Variants in BNC2 observed in about 807,000 individuals in gnomAD.
BNC2 encodes the protein basonuclin zinc finger protein 2.
BNC2 carries 20 observed loss-of-function variants against 76.3 expected under a neutral mutation model. The ratio of observed to expected loss-of-function variants is 0.26; its 90% CI spans 0.18 to 0.38. The LOEUF (loss-of-function observed/expected upper bound fraction) is 0.38, where lower values mean the gene tolerates loss of function less well. Ranked by LOEUF, BNC2 falls within the 10% of genes least tolerant of loss-of-function variation. BNC2 has a pLI of 1.00. For missense variants in BNC2, 1,382 were observed against 1,399.8 expected (o/e 0.99, Z 0.20); for synonymous variants, 582 against 514.8 (o/e 1.13, Z -1.77).
chr9:16,493,198 C>A (rs919493130), intron 5 of BNC2, among the ~76,000 whole-genome samples: 1 of 152,178 alleles, frequency 6.6e-6, no homozygotes, highest in African/African-American at 2.4e-5. Flanking sequence ...AACCACTGAT[C>A]TGTGTTTCTC....
intron 1 of BNC2, among the ~76,000 whole-genome samples, chr9:16,751,169 G>C (rs775063644): frequency 8.8e-5 from 13 of 148,440 alleles, no homozygotes; most frequent in African/African-American, 2.6e-5. Context: ...CATCACTGAA[G>C]TCTAAAAAAA....
rs910492041 is a variant in BNC2 at position 16,435,633 on chromosome 9, T to C, written c.2561A>G (p.Asn854Ser). The change falls in exon 6 of 7, where the codon AAC becomes AGC. Residue 854 changes from asparagine to serine, a missense_variant. Coordinates refer to ENST00000380672, the MANE Select transcript of BNC2 (RefSeq NM_017637.6). ...SSYSVKLHYR[N>S]VHLKEMHVCT... ...GACGTGCATCTCTTTCAAGTGAACG[T>C]TCCTGTAGTGAAGTTTCACACTGTA... is the stretch of plus-strand genomic sequence containing the variant. 9 of 1,614,074 alleles carry C rather than the reference T, an allele frequency of 5.6e-6. No individual in the cohort carries two copies. Among genetic ancestry groups the C allele is most frequent in the South Asian group, 2.2e-5 (2 of 91,092 alleles).
In BNC2 at chr9:16,419,205, C is replaced by G. The variant is rs200590786; in HGVS notation, c.3084G>C (p.Leu1028Phe). ...EVSGSLMFSSLSGSNGGIMCN... is the reference protein window; with the variant it reads ...EVSGSLMFSSFSGSNGGIMCN... ...ACATGATCCCACCATTGCTCCCAGACAAGCTGCTGAACATAAGAGATCCTG... is the reference window on the plus strand; with the variant it reads ...ACATGATCCCACCATTGCTCCCAGAGAAGCTGCTGAACATAAGAGATCCTG... Residue 1028 changes from leucine to phenylalanine, a missense_variant, in exon 7 of 7, where the codon TTG becomes TTC. Leu to Phe is a conservative substitution (Grantham distance 22). Coordinates refer to ENST00000380672, the MANE Select transcript of BNC2 (RefSeq NM_017637.6). The G allele has an allele frequency of 1.9e-6, 3 of 1,614,228 alleles. No homozygotes were observed. The highest frequency in any genetic ancestry group is 2.5e-6 in the Non-Finnish European group (3 of 1,180,050).
intron 5 of BNC2, among the ~76,000 whole-genome samples, chr9:16,543,688 T>G (rs1414551720): frequency 6.6e-6 from 1 of 152,210 alleles, no homozygotes; most frequent in Non-Finnish European, 1.5e-5. Flanking sequence ...GGATCTAAGG[T>G]GTTTATTTTC....
At chr9:16,787,617 CT>C (rs1257272877) in intron 1 of BNC2, among the ~76,000 whole-genome samples, 1 of 152,150 alleles carries the variant, frequency 6.6e-6, no homozygotes, top group East Asian at 1.9e-4. Context: ...TATCCGGTAC[CT>C]TTTGAGTGTA....
At chr9:16,605,071 C>T (rs920806268) in intron 3 of BNC2, among the ~76,000 whole-genome samples, 30 of 152,082 alleles carry the variant, frequency 2.0e-4, no homozygotes, top group African/African-American at 5.6e-4. Context: ...CCCTCATACA[C>T]GCCAAAGAAT....
At chr9:16,729,899 T>C (rs1587359595) in intron 2 of BNC2, among the ~76,000 whole-genome samples, 1 of 152,114 alleles carries the variant, frequency 6.6e-6, no homozygotes, top group East Asian at 1.9e-4. Context: ...ACACTGTCAA[T>C]AGCAAGCTTC....
At chr9:16,577,947 G>A (rs868623233) in intron 4 of BNC2, among the ~76,000 whole-genome samples, 2 of 152,034 alleles carry the variant, frequency 1.3e-5, no homozygotes, top group African/African-American at 2.4e-5. Flanking sequence ...CTGTGGGTGC[G>A]TTAAGCTATA....
intron 3 of BNC2, among the ~76,000 whole-genome samples, chr9:16,617,540 A>C (rs1179958123): frequency 3.9e-5 from 6 of 152,032 alleles, no homozygotes; most frequent in East Asian, 1.9e-4. Flanking sequence ...AAAAAAAAAA[A>C]AAAACCACGA....
chr9:16,689,645 T>TAA (rs947982921), intron 3 of BNC2, among the ~76,000 whole-genome samples: 2 of 141,166 alleles, frequency 1.4e-5, no homozygotes, highest in Non-Finnish European at 1.5e-5. Flanking sequence ...AATGTAAGTT[T>TAA]AAAAAAAAAA....
At chr9:16,489,680 C>T (rs1020510683) in intron 5 of BNC2, among the ~76,000 whole-genome samples, 1 of 152,196 alleles carries the variant, frequency 6.6e-6, no homozygotes, top group Non-Finnish European at 1.5e-5. Context: ...ACCTGCCTTT[C>T]TCCTTCCCAA....
chr9:16,861,782 G>T (rs1048495049), intron 1 of BNC2, among the ~76,000 whole-genome samples: 8 of 152,196 alleles, frequency 5.3e-5, no homozygotes, highest in African/African-American at 1.9e-4. Context: ...GAGGTCAGGA[G>T]ATCGAGACCA....
rs1443879266 is a variant in BNC2, at chr9:16,819,780, CTCATT to C, written c.3+50861_3+50865del. ...ATACCAAGCACTCTGAAAATATCAT[CTCATT>C]TAATTTCCACAACTCTGTGAGATAT... On this transcript the variant is annotated intron_variant, in intron 1 of 6. Transcript: ENST00000380672. Among the ~76,000 whole-genome samples, 17 of 152,000 alleles carry C rather than the reference CTCATT, an allele frequency of 1.1e-4. No homozygotes were observed. In the East Asian group the frequency reaches 2.7e-3, roughly 24 times the overall value.
At chr9:16,441,856 T>C (rs1821135624) in intron 5 of BNC2, among the ~76,000 whole-genome samples, 1 of 152,142 alleles carries the variant, frequency 6.6e-6, no homozygotes, top group Admixed American at 6.6e-5. Flanking sequence ...CAAAAGTAAA[T>C]TGGAGCTATA....
chr9:16,625,666 A>G lies in BNC2; in HGVS notation c.331-42581T>C, dbSNP rs530515980. The stretch of plus-strand genomic sequence containing the variant: ...AAAGATAAAGAGATTCTGAGGCATC[A>G]CTAACTCTCTAGATAGTGGGATACT... On this transcript the variant is annotated intron_variant, in intron 3 of 6. Coordinates refer to ENST00000380672, the MANE Select transcript of BNC2 (RefSeq NM_017637.6). 4 of 152,302 alleles carry G rather than the reference A, an allele frequency of 2.6e-5. No homozygotes were observed. The East Asian group carries it at 7.7e-4, about 29-fold the overall frequency. The allele number at this position is 152,302 out of a possible 1,614,324, so 9.4% of individuals were successfully genotyped here. A position where few individuals can be genotyped will look rare whatever the true frequency, so the allele number is the denominator to read the frequency against.
In BNC2 at chr9:16,528,625, C is replaced by A. The variant is rs192211632; in HGVS notation, c.669+23905G>T. Among the ~76,000 whole-genome samples the A allele has an allele frequency of 6.6e-5, 10 of 152,260 alleles. No homozygotes were observed. The East Asian group carries it at 1.5e-3, about 23-fold the overall frequency. On this transcript the variant is annotated intron_variant, in intron 5 of 6. Coordinates refer to ENST00000380672, the MANE Select transcript of BNC2 (RefSeq NM_017637.6). ...TAGAAGTACCTACATAATGACCTGG[C>A]AATTCTACTTCTAAATATTTATTCT... is the stretch of plus-strand genomic sequence containing the variant.
intron 3 of BNC2, among the ~76,000 whole-genome samples, chr9:16,636,635 A>C: frequency 6.6e-6 from 1 of 152,158 alleles, no homozygotes; most frequent in East Asian, 1.9e-4. Flanking sequence ...CTACATATCT[A>C]TATGCCATGA....
intron 3 of BNC2, among the ~76,000 whole-genome samples, chr9:16,598,729 T>G (rs1432749660): frequency 6.6e-6 from 1 of 152,134 alleles, no homozygotes; most frequent in Non-Finnish European, 1.5e-5. Context: ...AAAGGCTACT[T>G]TTACCATACT....
intron 3 of BNC2, among the ~76,000 whole-genome samples, chr9:16,610,133 A>G (rs914494703): frequency 2.7e-4 from 8 of 29,930 alleles, no homozygotes; most frequent in Non-Finnish European, 7.3e-4. Flanking sequence ...AGGGAAGGGA[A>G]AAGGGGTGGC....
Sources: allele counts gnomAD v4.1 joint callset (sites outside exome capture counted in the v4.1 genomes callset), GRCh38; gene constraint gnomAD v4.1.1; transcripts MANE v1.5; gene names NCBI Gene and HGNC (gene_info 2026-07-23, HGNC 2026-07-21).